The following ORC3 variants were observed in gnomAD, a reference collection of about 807,000 sequenced individuals.
ORC3 encodes origin recognition complex subunit 3.
Under a neutral mutation model 100.7 loss-of-function variants are expected in ORC3, and 78 were observed. That is an observed-to-expected ratio of 0.77 (90% confidence interval 0.65 to 0.94). The LOEUF (loss-of-function observed/expected upper bound fraction) is 0.94, where lower values mean the gene tolerates loss of function less well. ORC3 is among the 40% of genes least tolerant of loss of function. ORC3 has a pLI of 0.00. For missense variants in ORC3, 789 were observed against 823.9 expected (o/e 0.96, Z 0.52); for synonymous variants, 295 against 289.3 (o/e 1.02, Z -0.20).
the ORC3 span, among the ~76,000 whole-genome samples, chr6:87,677,624 G>A: frequency 6.6e-6 from 1 of 152,156 alleles, no homozygotes; most frequent in Non-Finnish European, 1.5e-5. Flanking sequence ...TACACGGCTA[G>A]CCAATACTCT....
intron 8 of ORC3, among the ~76,000 whole-genome samples, chr6:87,613,699 T>TTA (rs1778949768): frequency 6.6e-6 from 1 of 151,902 alleles, no homozygotes; most frequent in African/African-American, 2.4e-5. Context: ...AACAAAGGAG[T>TTA]TACAGGCCCC....
chr6:87,593,575 A>G (rs921311503), intron 1 of ORC3, among the ~76,000 whole-genome samples: 8 of 152,246 alleles, frequency 5.3e-5, no homozygotes, highest in African/African-American at 1.9e-4. Context: ...AGATGAAGAG[A>G]AGTATGTAGA....
At chr6:87,594,530 T>G in intron 2 of ORC3, 123 bp downstream of exon 2, 1 of 1,378,712 alleles carries the variant, frequency 7.3e-7, no homozygotes, top group Non-Finnish European at 9.5e-7. Context: ...GATGTAGCAT[T>G]TATGTTCCAA....
At chr6:87,630,701 A>C (rs1767338768) in intron 11 of ORC3, among the ~76,000 whole-genome samples, 1 of 152,182 alleles carries the variant, frequency 6.6e-6, no homozygotes, top group Non-Finnish European at 1.5e-5. Context: ...CAAAATTTTA[A>C]ATAAGGACCT....
rs397935596 is a variant in ORC3, at chr6:87,602,954, A to AATATATATATATATATATATATATAT, written c.178-413_178-412insTATATATATATATATATATATATATA. Among the ~76,000 whole-genome samples, 52 of 95,120 alleles carry AATATATATATATATATATATATATAT rather than the reference A, an allele frequency of 5.5e-4. 1 individual carries two copies. The highest frequency in any genetic ancestry group is 1.2e-3 in the East Asian group (4 of 3,352). The allele number at this position is 95,120 out of a possible 152,430, so 62.4% of individuals were successfully genotyped here. On this transcript the variant is annotated intron_variant, in intron 3 of 19. Coordinates refer to ENST00000392844, the MANE Select transcript of ORC3 (RefSeq NM_012381.4). ...CGTTTATATATATATACACATATATAATATATATATATATATACATATATA... is the reference window on the plus strand; with the variant it reads ...CGTTTATATATATATACACATATATAATATATATATATATATATATATATATATATATATATATATATACATATATA...
chr6:87,621,741 T>A (rs1583062300), intron 10 of ORC3, among the ~76,000 whole-genome samples: 2 of 152,266 alleles, frequency 1.3e-5, no homozygotes, highest in East Asian at 3.9e-4. Flanking sequence ...TGGCCTTTTT[T>A]AATGTTTATA....
chr6:87,621,890 A>G, intron 10 of ORC3, 60 bp from the exon 11 acceptor site: 1 of 1,176,422 alleles, frequency 8.5e-7, no homozygotes, highest in Non-Finnish European at 1.3e-6. Context: ...CCAATATGCT[A>G]TTTAAATATG....
In ORC3 at chr6:87,590,514, A is replaced by G. The variant is rs28381462; in HGVS notation, c.24+322A>G. ...GCCAAGCACTCCGTTAGGTACCAAG[A>G]TGCAGTGGTAAACAAAACAGATTCA... On this transcript the variant is annotated intron_variant, in intron 1 of 19. Coordinates refer to ENST00000392844, the MANE Select transcript of ORC3 (RefSeq NM_012381.4). Among the ~76,000 whole-genome samples the G allele has an allele frequency of 7.0e-3, 1,069 of 152,326 alleles. 8 individuals carry two copies. Among genetic ancestry groups the G allele is most frequent in the African/African-American group, 0.025 (1,028 of 41,562 alleles).
In ORC3 at chr6:87,664,746, G is replaced by T; in HGVS notation, c.1837G>T (p.Glu613Ter). 1 of 1,612,392 alleles carries T rather than the reference G, an allele frequency of 6.2e-7. No individual in the cohort carries two copies. Among genetic ancestry groups the T allele is most frequent in the Non-Finnish European group, 8.5e-7 (1 of 1,178,468 alleles). The change falls in exon 18 of 20, where the codon GAA becomes TAA. Residue 613 changes from glutamate to a stop codon, truncating the protein, a stop_gained. Transcript: ENST00000392844. LOFTEE classifies it high-confidence loss of function. The part of the protein sequence containing the change: ...LNNPYYYLKN[E>*]ALKSEEGCIP... Reference sequence around the variant, plus strand: ...TTAGTTTACTGTTAATTGTTAGAATGAAGCACTGAAAAGCGAAGAAGGCTG... The same window carrying T: ...TTAGTTTACTGTTAATTGTTAGAATTAAGCACTGAAAAGCGAAGAAGGCTG...
chr6:87,625,554 G>A (rs1465310134), intron 11 of ORC3, among the ~76,000 whole-genome samples: 2 of 151,942 alleles, frequency 1.3e-5, no homozygotes, highest in Non-Finnish European at 2.9e-5. Flanking sequence ...TTTTTTTCTT[G>A]TACATTTGTT....
intron 18 of ORC3, among the ~76,000 whole-genome samples, 170 bp from the exon 19 acceptor site, chr6:87,665,584 C>A (rs1471521038): frequency 6.6e-6 from 1 of 151,868 alleles, no homozygotes; most frequent in Admixed American, 6.6e-5. Context: ...ATTACTTTAT[C>A]TTTTAATATA....
At chr6:87,670,723 CA>C (rs1406129278), downstream of ORC3, among the ~76,000 whole-genome samples, 1 of 152,132 alleles carries the variant, frequency 6.6e-6, no homozygotes, top group Non-Finnish European at 1.5e-5. Flanking sequence ...GAAATACATT[CA>C]AAAAGTACCA....
downstream of ORC3, among the ~76,000 whole-genome samples, chr6:87,670,205 CTG>C (rs544383127): frequency 5.3e-5 from 8 of 152,236 alleles, no homozygotes; most frequent in African/African-American, 1.9e-4. Context: ...GAATTTCACT[CTG>C]TCACCCAGAG....
At chr6:87,672,083 GA>G (rs1285270823), downstream of ORC3, among the ~76,000 whole-genome samples, 2 of 152,172 alleles carry the variant, frequency 1.3e-5, no homozygotes, top group Non-Finnish European at 2.9e-5. Context: ...TTTGGGGGAT[GA>G]GGGTAGCTAT....
At chr6:87,656,442 G>T (rs1769696928) in intron 14 of ORC3, among the ~76,000 whole-genome samples, 1 of 152,100 alleles carries the variant, frequency 6.6e-6, no homozygotes, top group South Asian at 2.1e-4. Context: ...ACAAAAATTA[G>T]CCAGGCATGG....
intron 16 of ORC3, among the ~76,000 whole-genome samples, chr6:87,658,532 A>G (rs2128293160): frequency 6.6e-6 from 1 of 152,168 alleles, no homozygotes; most frequent in South Asian, 2.1e-4. Context: ...GACTTAGTTC[A>G]TTCTTTTAAT....
intron 16 of ORC3, among the ~76,000 whole-genome samples, chr6:87,661,128 T>C (rs1770144563): frequency 6.6e-6 from 1 of 152,226 alleles, no homozygotes; most frequent in Admixed American, 6.5e-5. Flanking sequence ...AGATATCCAA[T>C]CCTTATTACA....
intron 4 of ORC3, 74 bp downstream of exon 4, chr6:87,603,602 A>G: frequency 1.1e-6 from 1 of 911,310 alleles, no homozygotes; most frequent in Non-Finnish European, 1.6e-6. Flanking sequence ...ATTGTTGAGA[A>G]TAGTGGAAGG....
At chr6:87,650,742 T>A (rs1769194576) in intron 13 of ORC3, among the ~76,000 whole-genome samples, 1 of 152,214 alleles carries the variant, frequency 6.6e-6, no homozygotes, top group Non-Finnish European at 1.5e-5. Context: ...GTGCAGTGGC[T>A]CACGCCTATA....
Sources: gnomAD v4.1 joint callset for allele counts (sites outside exome capture counted in the v4.1 genomes callset) on GRCh38, gnomAD v4.1.1 for gene constraint, MANE v1.5 for transcripts, NCBI Gene and HGNC (gene_info 2026-07-23, HGNC 2026-07-21) for gene names.